Variants in NECAB1 observed in about 807,000 individuals in gnomAD.
NECAB1 encodes the protein N-terminal EF-hand calcium-binding protein 1.
NECAB1 carries 29 observed loss-of-function variants against 57.5 expected under a neutral mutation model. The ratio of observed to expected loss-of-function variants is 0.50; its 90% CI spans 0.38 to 0.69. The LOEUF is 0.69. Ranked by LOEUF, NECAB1 falls within the 30% of genes least tolerant of loss-of-function variation. NECAB1 has a pLI of 0.00. For synonymous variants in NECAB1, 142 were observed against 147.7 expected (o/e 0.96, Z 0.28); for missense variants, 372 against 413.8 (o/e 0.90, Z 0.88).
intron 7 of NECAB1, among the ~76,000 whole-genome samples, chr8:90,926,123 C>T (rs1227705743): frequency 6.6e-6 from 1 of 152,144 alleles, no homozygotes; most frequent in African/African-American, 2.4e-5. Context: ...TGGGCTAAAC[C>T]ATACCCATAA....
At chr8:90,868,037 A>G (rs1350497179) in intron 3 of NECAB1, among the ~76,000 whole-genome samples, 1 of 152,022 alleles carries the variant, frequency 6.6e-6, no homozygotes, top group Non-Finnish European at 1.5e-5. Flanking sequence ...AGTTTTCATA[A>G]GATCTGGTTG....
chr8:90,845,431 A>G (rs1812537474), intron 3 of NECAB1, among the ~76,000 whole-genome samples: 1 of 152,134 alleles, frequency 6.6e-6, no homozygotes. Flanking sequence ...TATATTATGT[A>G]TTTATTTATT....
intron 3 of NECAB1, among the ~76,000 whole-genome samples, chr8:90,833,303 G>GT (rs1308449516): frequency 1.3e-5 from 2 of 151,540 alleles, no homozygotes; most frequent in African/African-American, 4.8e-5. Context: ...TTAATCGTTT[G>GT]TATTAAGGGC....
chr8:90,862,003 AATACAGTACTCTT>A (rs1210319736), intron 3 of NECAB1, among the ~76,000 whole-genome samples: 1 of 152,192 alleles, frequency 6.6e-6, no homozygotes, highest in Admixed American at 6.5e-5. Context: ...GGAACACACT[AATACAGTACTCTT>A]TTCCGTATCA....
intron 9 of NECAB1, among the ~76,000 whole-genome samples, chr8:90,937,624 G>C (rs1810568767): frequency 6.6e-6 from 1 of 152,134 alleles, no homozygotes; most frequent in Admixed American, 6.5e-5. Context: ...CTTACCAAAA[G>C]AGTACTGGAG....
intron 3 of NECAB1, among the ~76,000 whole-genome samples, chr8:90,868,266 A>T (rs1259021805): frequency 1.3e-5 from 2 of 152,202 alleles, no homozygotes. Flanking sequence ...CAATCCCAGA[A>T]TGGATCAATA....
chr8:90,820,671 T>C (rs1812128988), intron 2 of NECAB1, among the ~76,000 whole-genome samples: 1 of 118,450 alleles, frequency 8.4e-6, no homozygotes, highest in African/African-American at 4.4e-5. Flanking sequence ...AATTACTGTT[T>C]AAATAGTCTT....
intron 4 of NECAB1, among the ~76,000 whole-genome samples, chr8:90,873,196 C>A (rs778659010): frequency 6.6e-6 from 1 of 152,156 alleles, no homozygotes; most frequent in Non-Finnish European, 1.5e-5. Flanking sequence ...GCTTCTTATC[C>A]TAGCATAGTG....
intron 3 of NECAB1, among the ~76,000 whole-genome samples, chr8:90,826,599 T>G (rs1812230135): frequency 6.6e-6 from 1 of 151,936 alleles, no homozygotes. Context: ...TTCTTCCTCG[T>G]TACAATTAGT....
chr8:90,941,373 C>T (rs537869209), intron 10 of NECAB1, among the ~76,000 whole-genome samples: 4 of 152,188 alleles, frequency 2.6e-5, no homozygotes, highest in Admixed American at 1.3e-4. Flanking sequence ...GATTTCAGGC[C>T]TTGGTCATTA....
chr8:90,892,407 G>A (rs1341641460), intron 5 of NECAB1, among the ~76,000 whole-genome samples: 1 of 151,974 alleles, frequency 6.6e-6, no homozygotes, highest in Non-Finnish European at 1.5e-5. Flanking sequence ...AAAAACATTG[G>A]CTAAGTATCA....
chr8:90,831,705 T>C (rs1288739275), intron 3 of NECAB1, among the ~76,000 whole-genome samples: 1 of 152,140 alleles, frequency 6.6e-6, no homozygotes, highest in Non-Finnish European at 1.5e-5. Flanking sequence ...GCCATGCCTC[T>C]GATGCCCTTC....
chr8:90,849,686 A>ATTTTTTT lies in NECAB1; in HGVS notation c.234-22423_234-22417dup, dbSNP rs34779201. ...TTTTTTATGTTTAAAGTTTCCAGTAATTTTTTTTTTTTTTTTTTTTTTTTT... is the reference window on the plus strand; with the variant it reads ...TTTTTTATGTTTAAAGTTTCCAGTAATTTTTTTTTTTTTTTTTTTTTTTTTTTTTTTT... On this transcript the variant is annotated intron_variant, in intron 3 of 12. Coordinates refer to ENST00000417640, the MANE Select transcript of NECAB1 (RefSeq NM_022351.5). Among the ~76,000 whole-genome samples, 86 of 84,116 alleles carry ATTTTTTT rather than the reference A, an allele frequency of 1.0e-3. 8 individuals carry two copies. The highest frequency in any genetic ancestry group is 2.7e-3 in the African/African-American group (67 of 24,514). 55.2% of individuals were successfully genotyped at this position (84,116 alleles called of 152,430 possible).
intron 3 of NECAB1, among the ~76,000 whole-genome samples, chr8:90,863,080 G>A (rs1326599582): frequency 6.6e-6 from 1 of 151,852 alleles, no homozygotes; most frequent in Non-Finnish European, 1.5e-5. Context: ...AATGGATTTT[G>A]GTGAAAACCC....
chr8:90,943,980 A>G (rs769263569), intron 10 of NECAB1, among the ~76,000 whole-genome samples: 6 of 152,124 alleles, frequency 3.9e-5, no homozygotes. Context: ...TTGAACCCCC[A>G]GGCTCAAGCG....
chr8:90,901,792 GAGCCTTGT>G (rs1387798986), intron 5 of NECAB1, among the ~76,000 whole-genome samples: 2 of 152,068 alleles, frequency 1.3e-5, no homozygotes, highest in Non-Finnish European at 2.9e-5. Flanking sequence ...ACACTAACTT[GAGCCTTGT>G]AGTTACACAC....
intron 10 of NECAB1, among the ~76,000 whole-genome samples, chr8:90,944,571 C>T (rs554234058): frequency 2.0e-5 from 3 of 152,238 alleles, no homozygotes; most frequent in African/African-American, 4.8e-5. Context: ...GTGGTGTACA[C>T]GGTATGTTCT....
intron 2 of NECAB1, among the ~76,000 whole-genome samples, chr8:90,817,502 C>T (rs1469948670): frequency 2.7e-5 from 4 of 149,916 alleles, no homozygotes; most frequent in African/African-American, 9.8e-5. Flanking sequence ...TTTTTCTATT[C>T]CCAGTTTGCT....
intron 2 of NECAB1, among the ~76,000 whole-genome samples, chr8:90,806,889 A>C (rs886140157): frequency 3.3e-5 from 5 of 152,224 alleles, no homozygotes; most frequent in Non-Finnish European, 5.9e-5. Context: ...GAAGCAAATG[A>C]AGCTCAGAGA....
Sources: gnomAD v4.1 joint callset for allele counts (sites outside exome capture counted in the v4.1 genomes callset) on GRCh38, gnomAD v4.1.1 for gene constraint, MANE v1.5 for transcripts, NCBI Gene and HGNC (gene_info 2026-07-23, HGNC 2026-07-21) for gene names.